VAMP7: variants seen among roughly 807,000 people sequenced by gnomAD.
VAMP7 encodes vesicle associated membrane protein 7, also known as vesicle-associated membrane protein 7.
VAMP7 carries 14 observed loss-of-function variants against 29.6 expected under a neutral mutation model. The observed-to-expected ratio is 0.47, with a 90% CI of 0.31 to 0.74. The LOEUF is 0.74. Ranked by LOEUF, VAMP7 falls within the 30% of genes least tolerant of loss-of-function variation. The pLI, the probability that VAMP7 is intolerant of heterozygous loss-of-function variation, is 0.05. For missense variants in VAMP7, 223 were observed against 262.4 expected (o/e 0.85, Z 1.04); for synonymous variants, 95 against 88.1 (o/e 1.08, Z -0.44).
At chrX:155,920,854 TAGC>T (rs1349747484) in intron 6 of VAMP7, among the ~76,000 whole-genome samples, 1 of 152,224 alleles carries the variant, frequency 6.6e-6, no homozygotes, top group African/African-American at 2.4e-5. Context: ...GGACATCTAT[TAGC>T]AGCAGGTTTT....
intron 6 of VAMP7, among the ~76,000 whole-genome samples, chrX:155,930,885 G>A (rs1029038154): frequency 7.3e-5 from 11 of 151,504 alleles, no homozygotes; most frequent in East Asian, 5.8e-4. Flanking sequence ...AACAGGCCCC[G>A]GTGTGTGATG....
chrX:155,932,928 G>T (rs1303624820), intron 6 of VAMP7, among the ~76,000 whole-genome samples: 2 of 152,104 alleles, frequency 1.3e-5, no homozygotes, highest in Non-Finnish European at 2.9e-5. Context: ...GTTGAATTTT[G>T]TCAAAGGCCT....
chrX:155,907,085 A>T (rs1261000185), intron 5 of VAMP7, among the ~76,000 whole-genome samples: 5 of 151,860 alleles, frequency 3.3e-5, no homozygotes, highest in Non-Finnish European at 7.4e-5. Flanking sequence ...TATTAATATG[A>T]TGTATTATAA....
chrX:155,919,924 GA>G (rs1569446243), intron 6 of VAMP7, 44 bp downstream of exon 6: 1 of 1,440,804 alleles, frequency 6.9e-7, no homozygotes, highest in East Asian at 2.3e-5. Flanking sequence ...GTAAAGTGGA[GA>G]AACTATGGAT....
chrX:155,903,289 G>A (rs1421548645), intron 5 of VAMP7, among the ~76,000 whole-genome samples: 2 of 152,052 alleles, frequency 1.3e-5, no homozygotes, highest in African/African-American at 2.4e-5. Context: ...CAGGACATAG[G>A]CATGGGCAAG....
chrX:155,883,741 C>T (rs1292531914), intron 1 of VAMP7, among the ~76,000 whole-genome samples: 11 of 137,346 alleles, frequency 8.0e-5, no homozygotes, highest in African/African-American at 2.8e-5. Flanking sequence ...GACGGAGTCT[C>T]ACTCCGTTGC....
chrX:155,923,667 T>C (rs1468229644), intron 6 of VAMP7, among the ~76,000 whole-genome samples: 1 of 152,022 alleles, frequency 6.6e-6, no homozygotes, highest in East Asian at 1.9e-4. Context: ...GGTATATATT[T>C]CTTTATGTTT....
intron 5 of VAMP7, among the ~76,000 whole-genome samples, chrX:155,915,729 C>T (rs2066302641): frequency 6.6e-6 from 1 of 152,102 alleles, no homozygotes; most frequent in Non-Finnish European, 1.5e-5. Flanking sequence ...GTCTGAGAGA[C>T]TGTTGGTTAC....
chrX:155,885,710 C>T (rs1488466829), intron 1 of VAMP7, among the ~76,000 whole-genome samples: 3 of 152,034 alleles, frequency 2.0e-5, no homozygotes, highest in African/African-American at 4.8e-5. Context: ...CAGAGAACAC[C>T]ATGTGACTAC....
intron 1 of VAMP7, among the ~76,000 whole-genome samples, chrX:155,886,176 C>T (rs1411441861): frequency 6.6e-6 from 1 of 152,114 alleles, no homozygotes; most frequent in Non-Finnish European, 1.5e-5. Context: ...TAGGCATTTA[C>T]ATACTGCTAA....
chrX:155,915,257 T>C (rs1487212203), intron 5 of VAMP7, among the ~76,000 whole-genome samples: 1 of 152,128 alleles, frequency 6.6e-6, no homozygotes, highest in Non-Finnish European at 1.5e-5. Context: ...CTCTCTTTTC[T>C]CCTTTATTAG....
intron 6 of VAMP7, among the ~76,000 whole-genome samples, chrX:155,931,566 CT>C (rs1382483379): frequency 6.6e-6 from 1 of 152,046 alleles, no homozygotes; most frequent in East Asian, 1.9e-4. Flanking sequence ...TTGTTTGTTT[CT>C]TTTCTTATAA....
chrX:155,932,448 G>C (rs765048362), intron 6 of VAMP7, among the ~76,000 whole-genome samples: 13 of 152,152 alleles, frequency 8.5e-5, no homozygotes, highest in African/African-American at 2.9e-4. Flanking sequence ...GGATTCCTAG[G>C]TATTTTATTC....
chrX:155,919,819 T>C lies in VAMP7; in HGVS notation c.440T>C (p.Val147Ala), dbSNP rs778240818. ...ACTTTTCCAATATTTTCAGATCTGG[T>C]AGCTCAGCGAGGAGAAAGATTGGAA... The part of the protein sequence containing the change: ...KGIMVRNIDL[V>A]AQRGERLELL... Residue 147 changes from valine to alanine, a missense_variant, in exon 6 of 8, where the codon GTA becomes GCA. Coordinates refer to ENST00000286448, the MANE Select transcript of VAMP7 (RefSeq NM_005638.6). 1 of 1,612,130 alleles carries C rather than the reference T, an allele frequency of 6.2e-7. No homozygotes were observed. Among genetic ancestry groups the C allele is most frequent in the Non-Finnish European group, 8.5e-7 (1 of 1,178,812 alleles).
At chrX:155,922,102 T>G (rs1382826070) in intron 6 of VAMP7, among the ~76,000 whole-genome samples, 1 of 152,078 alleles carries the variant, frequency 6.6e-6, no homozygotes, top group African/African-American at 2.4e-5. Context: ...TTCTAATTCT[T>G]TATTGCTAGT....
chrX:155,900,196 C>A (rs2066042360), intron 4 of VAMP7, among the ~76,000 whole-genome samples: 1 of 151,714 alleles, frequency 6.6e-6, no homozygotes, highest in Non-Finnish European at 1.5e-5. Flanking sequence ...GATTATATAT[C>A]CCCCCCAATC....
chrX:155,907,967 C>T (rs1195805015), intron 5 of VAMP7, among the ~76,000 whole-genome samples: 5 of 152,008 alleles, frequency 3.3e-5, no homozygotes, highest in African/African-American at 1.2e-4. Flanking sequence ...GATGGGCGGC[C>T]GGGCAGAGAC....
At chrX:155,901,844 T>C (rs1295792538) in intron 5 of VAMP7, among the ~76,000 whole-genome samples, 1 of 152,160 alleles carries the variant, frequency 6.6e-6, no homozygotes, top group Non-Finnish European at 1.5e-5. Flanking sequence ...AGGATGGACT[T>C]GGTGATGCGG....
intron 6 of VAMP7, among the ~76,000 whole-genome samples, chrX:155,936,784 G>T (rs1346284512): frequency 6.6e-6 from 1 of 152,178 alleles, no homozygotes; most frequent in African/African-American, 2.4e-5. Context: ...GCTCACGCTG[G>T]GGGCTGTAGA....
Sources: allele counts gnomAD v4.1 joint callset (sites outside exome capture counted in the v4.1 genomes callset), GRCh38; gene constraint gnomAD v4.1.1; transcripts MANE v1.5; gene names NCBI Gene and HGNC (gene_info 2026-07-23, HGNC 2026-07-21).